Variants in KCNMA1 observed in about 807,000 individuals in gnomAD.
KCNMA1 encodes the protein Calcium-activated potassium channel subunit alpha-1.
Under a neutral mutation model 140.0 loss-of-function variants are expected in KCNMA1, and 29 were observed. That is an observed-to-expected ratio of 0.21 (90% confidence interval 0.15 to 0.28). The LOEUF (loss-of-function observed/expected upper bound fraction) is 0.28, where lower values mean the gene tolerates loss of function less well. Ranked by LOEUF, KCNMA1 falls within the 10% of genes least tolerant of loss-of-function variation. The pLI, the probability that KCNMA1 is intolerant of heterozygous loss-of-function variation, is 1.00. For synonymous variants in KCNMA1, 612 were observed against 611.9 expected (o/e 1.00, Z 0.00); for missense variants, 880 against 1,602.2 (o/e 0.55, Z 7.70).
intron 17 of KCNMA1, chr10:77,012,705 C>T (rs983381831): frequency 1.5e-6 from 1 of 673,154 alleles, no homozygotes; most frequent in African/African-American, 1.8e-5. Context: ...TGATGGTTTT[C>T]TTCTCACTAT....
intron 1 of KCNMA1, among the ~76,000 whole-genome samples, chr10:77,597,877 T>G (rs1436201287): frequency 6.6e-6 from 1 of 152,218 alleles, no homozygotes; most frequent in Non-Finnish European, 1.5e-5. Context: ...TCCTTTAAAA[T>G]TACAAAACAG....
At chr10:77,118,645 A>G (rs1471923477) in intron 6 of KCNMA1, among the ~76,000 whole-genome samples, 1 of 152,142 alleles carries the variant, frequency 6.6e-6, no homozygotes. Context: ...CATGAGGATG[A>G]CACTTTTTTC....
At chr10:77,387,522 G>C (rs1015492948) in intron 2 of KCNMA1, among the ~76,000 whole-genome samples, 4 of 133,726 alleles carry the variant, frequency 3.0e-5, no homozygotes. Context: ...GTCAGTCATG[G>C]AATTGTTCTT....
intron 1 of KCNMA1, among the ~76,000 whole-genome samples, chr10:77,464,684 G>A (rs764251117): frequency 1.3e-5 from 2 of 152,122 alleles, no homozygotes; most frequent in Admixed American, 6.6e-5. Flanking sequence ...GGGCCAGGAC[G>A]GGAAGCCAGG....
At chr10:77,579,684 G>A (rs895546841) in intron 1 of KCNMA1, among the ~76,000 whole-genome samples, 4 of 152,152 alleles carry the variant, frequency 2.6e-5, no homozygotes, top group East Asian at 1.9e-4. Context: ...TCTGGGTTAC[G>A]TCTTCAAGAG....
At chr10:77,358,761 A>G (rs1287058115) in intron 2 of KCNMA1, among the ~76,000 whole-genome samples, 1 of 152,208 alleles carries the variant, frequency 6.6e-6, no homozygotes, top group African/African-American at 2.4e-5. Flanking sequence ...ATCTACCATG[A>G]TATTACTTAC....
In KCNMA1 at chr10:77,142,965, C is replaced by A. The variant is rs529227327; in HGVS notation, c.809-21917G>T. Among the ~76,000 whole-genome samples the A allele has an allele frequency of 5.9e-5, 9 of 152,262 alleles. No homozygotes were observed. The East Asian group carries it at 1.7e-3, about 29-fold the overall frequency. ...CCACAAAGAAAATTTCAGGTTCAGGCAGTTTCCACTGCAGAATTCTACCAA... is the reference window on the plus strand; with the variant it reads ...CCACAAAGAAAATTTCAGGTTCAGGAAGTTTCCACTGCAGAATTCTACCAA... On this transcript the variant is annotated intron_variant, in intron 5 of 27. Coordinates refer to ENST00000286628, the MANE Select transcript of KCNMA1 (RefSeq NM_001161352.2).
intron 3 of KCNMA1, among the ~76,000 whole-genome samples, chr10:77,242,435 T>A (rs35930793): frequency 0.14 from 21,886 of 152,162 alleles, 2,119 homozygotes; most frequent in Middle Eastern, 0.21. Context: ...GAGGGCAGAC[T>A]GAGTTTTCTG....
At chr10:77,211,354 A>T (rs935795958) in intron 3 of KCNMA1, among the ~76,000 whole-genome samples, 1 of 152,182 alleles carries the variant, frequency 6.6e-6, no homozygotes, top group African/African-American at 2.4e-5. Flanking sequence ...AGCAGTGGGG[A>T]AGGGACTCTC....
At chr10:76,965,756 G>A (rs1483724235) in intron 20 of KCNMA1, among the ~76,000 whole-genome samples, 1 of 152,106 alleles carries the variant, frequency 6.6e-6, no homozygotes, top group Non-Finnish European at 1.5e-5. Flanking sequence ...TAAAATGGGG[G>A]CAAGAGTAAT....
intron 2 of KCNMA1, among the ~76,000 whole-genome samples, chr10:77,316,966 CTTCT>C (rs1304252861): frequency 2.0e-5 from 3 of 152,150 alleles, no homozygotes; most frequent in Non-Finnish European, 2.9e-5. Context: ...GGACAAGTGA[CTTCT>C]TTCTGGGTCA....
At chr10:77,529,410 T>A (rs2056968210) in intron 1 of KCNMA1, among the ~76,000 whole-genome samples, 1 of 151,854 alleles carries the variant, frequency 6.6e-6, no homozygotes, top group Non-Finnish European at 1.5e-5. Flanking sequence ...GTAGAAGGCT[T>A]TCCCTTGTTA....
At chr10:77,514,681 G>T (rs1025702807) in intron 1 of KCNMA1, among the ~76,000 whole-genome samples, 56 of 152,218 alleles carry the variant, frequency 3.7e-4, no homozygotes, top group Admixed American at 2.1e-3. Flanking sequence ...ATAAAGACTC[G>T]CTGAGCACCT....
chr10:77,495,172 C>T (rs2041412851), intron 1 of KCNMA1, among the ~76,000 whole-genome samples: 2 of 152,170 alleles, frequency 1.3e-5, no homozygotes, highest in African/African-American at 4.8e-5. Flanking sequence ...TTTTAAAAAG[C>T]CAAACTGAAA....
chr10:77,495,307 C>T (rs1286472690), intron 1 of KCNMA1, among the ~76,000 whole-genome samples: 1 of 152,222 alleles, frequency 6.6e-6, no homozygotes, highest in Non-Finnish European at 1.5e-5. Flanking sequence ...GCCTGCACTG[C>T]TCTGTGATGG....
At chr10:77,128,881 T>C (rs2097795455) in intron 5 of KCNMA1, among the ~76,000 whole-genome samples, 1 of 152,194 alleles carries the variant, frequency 6.6e-6, no homozygotes, top group Non-Finnish European at 1.5e-5. Context: ...GGGTCTCCGA[T>C]GGGGCCTGAT....
intron 2 of KCNMA1, among the ~76,000 whole-genome samples, chr10:77,373,383 G>A (rs1470465771): frequency 6.6e-6 from 1 of 152,180 alleles, no homozygotes; most frequent in East Asian, 1.9e-4. Flanking sequence ...GCGTAGGTCT[G>A]CATGGGAAAT....
chr10:77,269,014 A>G (rs1232142832), intron 2 of KCNMA1, among the ~76,000 whole-genome samples: 1 of 152,148 alleles, frequency 6.6e-6, no homozygotes, highest in Non-Finnish European at 1.5e-5. Flanking sequence ...AAGCCTTGAT[A>G]TAAGCTGCTT....
intron 2 of KCNMA1, among the ~76,000 whole-genome samples, chr10:77,401,226 C>T (rs1214676334): frequency 6.6e-6 from 1 of 151,862 alleles, no homozygotes; most frequent in Non-Finnish European, 1.5e-5. Context: ...TCAGCAGAGC[C>T]GCTCACTGCA....
Sources: gnomAD v4.1 joint callset for allele counts (sites outside exome capture counted in the v4.1 genomes callset) on GRCh38, gnomAD v4.1.1 for gene constraint, MANE v1.5 for transcripts, NCBI Gene and HGNC (gene_info 2026-07-23, HGNC 2026-07-21) for gene names.